Variants in MAD1L1 observed in about 807,000 individuals in gnomAD.
MAD1L1 encodes mitotic spindle assembly checkpoint protein MAD1.
MAD1L1 carries 95 observed loss-of-function variants against 96.9 expected under a neutral mutation model. That is an observed-to-expected ratio of 0.98 (90% confidence interval 0.83 to 1.16). The LOEUF is 1.16. MAD1L1 is among the 50% of genes most tolerant of loss of function. MAD1L1 has a pLI of 0.00. For missense variants in MAD1L1, 1,007 were observed against 954.4 expected (o/e 1.06, Z -0.73); for synonymous variants, 473 against 396.6 (o/e 1.19, Z -2.29).
intron 10 of MAD1L1, among the ~76,000 whole-genome samples, chr7:2,191,044 G>C (rs1320075029): frequency 2.6e-5 from 4 of 152,186 alleles, no homozygotes; most frequent in African/African-American, 9.7e-5. Context: ...ATCTGCAAGA[G>C]CAAAAAACCG....
chr7:2,223,826 T>A (rs1163465995), intron 4 of MAD1L1, among the ~76,000 whole-genome samples: 1 of 137,714 alleles, frequency 7.3e-6, no homozygotes, highest in Admixed American at 7.5e-5. Context: ...GTCTTTGGAC[T>A]TCAGACACTT....
rs939058252 is a variant in MAD1L1, at chr7:2,019,846, C to G, written c.1219-5204G>C. On this transcript the variant is annotated intron_variant, in intron 12 of 18. Transcript: ENST00000265854. ...GGCCCCCACAACCAACTACAGAACG[C>G]TTCGCCTCCTGTCTGTCCCTCGCTT... Among the ~76,000 whole-genome samples, 5 of 152,336 alleles carry G rather than the reference C, an allele frequency of 3.3e-5. No individual in the cohort carries two copies. The South Asian group carries it at 1.0e-3, about 32-fold the overall frequency.
intron 14 of MAD1L1, among the ~76,000 whole-genome samples, chr7:1,987,408 G>C (rs574830016): frequency 6.6e-6 from 1 of 152,212 alleles, no homozygotes; most frequent in African/African-American, 2.4e-5. Flanking sequence ...GTGTGCGGCC[G>C]AGCTCGGAAC....
chr7:1,983,015 A>G (rs1780976207), intron 14 of MAD1L1, among the ~76,000 whole-genome samples: 1 of 152,218 alleles, frequency 6.6e-6, no homozygotes. Flanking sequence ...CTTACTGCAT[A>G]TGATGTATTT....
rs1175408803 is a variant in MAD1L1, at chr7:1,839,562, G to A, written c.1999-23334C>T. 3.3e-5 allele frequency among the ~76,000 whole-genome samples: 5 copies of A among 152,318 alleles called. No homozygotes were observed. In the East Asian group the frequency reaches 7.7e-4, roughly 24 times the overall value. The stretch of plus-strand genomic sequence containing the variant: ...AACAGAATGTCGTGGAGAACTGGAC[G>A]CAGATCCACAGGGCCATAGAGAGCA... On this transcript the variant is annotated intron_variant, in intron 18 of 18. Coordinates refer to ENST00000265854, the MANE Select transcript of MAD1L1 (RefSeq NM_001013836.2).
At chr7:1,963,984 A>T (rs1361917895) in intron 15 of MAD1L1, among the ~76,000 whole-genome samples, 1 of 152,170 alleles carries the variant, frequency 6.6e-6, no homozygotes, top group Non-Finnish European at 1.5e-5. Flanking sequence ...GGCTTTACAA[A>T]CAACCCCCTC....
intron 16 of MAD1L1, among the ~76,000 whole-genome samples, chr7:1,938,665 C>T (rs1043795448): frequency 6.6e-6 from 1 of 152,230 alleles, no homozygotes; most frequent in African/African-American, 2.4e-5. Flanking sequence ...GCAGACACTT[C>T]CCAAAAAGAC....
intron 15 of MAD1L1, among the ~76,000 whole-genome samples, chr7:1,979,036 T>A (rs2128483140): frequency 6.6e-6 from 1 of 152,332 alleles, no homozygotes; most frequent in Middle Eastern, 3.4e-3. Flanking sequence ...GCAGAGCACT[T>A]CCTGGGCCGG....
At chr7:1,854,325 G>A (rs540069412) in intron 18 of MAD1L1, 34 of 462,172 alleles carry the variant, frequency 7.4e-5, no homozygotes, top group Non-Finnish European at 1.3e-4. Context: ...CCTGGGCCCC[G>A]GCAGCTCGTC....
intron 12 of MAD1L1, among the ~76,000 whole-genome samples, chr7:2,020,883 T>C (rs1196327144): frequency 6.7e-6 from 1 of 148,454 alleles, no homozygotes; most frequent in East Asian, 2.0e-4. Context: ...GTAGAAAGGC[T>C]AAAACTGAAA....
chr7:2,023,027 C>G (rs907441239), intron 12 of MAD1L1, among the ~76,000 whole-genome samples: 5 of 152,170 alleles, frequency 3.3e-5, no homozygotes, highest in Admixed American at 3.3e-4. Flanking sequence ...AACAGTGTCT[C>G]AAAATATGCG....
intron 18 of MAD1L1, among the ~76,000 whole-genome samples, chr7:1,886,647 G>A (rs905762181): frequency 1.3e-5 from 2 of 152,262 alleles, no homozygotes; most frequent in Admixed American, 6.5e-5. Context: ...GACAGCAGGG[G>A]TCAGCAGGAC....
chr7:1,841,220 A>C (rs1344240936), intron 18 of MAD1L1, among the ~76,000 whole-genome samples: 2 of 151,968 alleles, frequency 1.3e-5, no homozygotes, highest in Non-Finnish European at 2.9e-5. Context: ...TGGGTTAAAA[A>C]TATCCCCGTA....
intron 17 of MAD1L1, among the ~76,000 whole-genome samples, chr7:1,919,414 G>T (rs11978253): frequency 0.05 from 7,546 of 152,298 alleles, 276 homozygotes; most frequent in Admixed American, 0.1. Flanking sequence ...GGTCCAGGTG[G>T]CTGGCACTGA....
chr7:2,162,099 C>G (rs914431736), intron 10 of MAD1L1, among the ~76,000 whole-genome samples: 1 of 152,192 alleles, frequency 6.6e-6, no homozygotes, highest in Non-Finnish European at 1.5e-5. Context: ...TATCCAACAG[C>G]TCATTGAGAA....
chr7:2,102,640 C>T (rs1185150062), intron 11 of MAD1L1, among the ~76,000 whole-genome samples: 1 of 151,314 alleles, frequency 6.6e-6, no homozygotes, highest in African/African-American at 2.4e-5. Context: ...GCACCATCAT[C>T]GCCACTGTCA....
At chr7:1,859,047 CCACACCAAACCCCA>C (rs1784392788) in intron 18 of MAD1L1, among the ~76,000 whole-genome samples, 1 of 82,566 alleles carries the variant, frequency 1.2e-5, no homozygotes, top group Non-Finnish European at 3.4e-5. Flanking sequence ...GAGCAGACCT[CCACACCAAACCCCA>C]TACGCAGGAG....
At chr7:2,061,724 G>A (rs1309622070) in intron 12 of MAD1L1, among the ~76,000 whole-genome samples, 1 of 152,256 alleles carries the variant, frequency 6.6e-6, no homozygotes, top group South Asian at 2.1e-4. Context: ...GTCCACGTCA[G>A]CAAGAGTCAA....
intron 11 of MAD1L1, among the ~76,000 whole-genome samples, chr7:2,144,254 A>T (rs769037403): frequency 2.6e-5 from 4 of 152,222 alleles, no homozygotes; most frequent in African/African-American, 9.6e-5. Flanking sequence ...GAGGCTGCGC[A>T]TGAAGCACAG....
Sources: allele counts gnomAD v4.1 joint callset (sites outside exome capture counted in the v4.1 genomes callset), GRCh38; gene constraint gnomAD v4.1.1; transcripts MANE v1.5; gene names NCBI Gene and HGNC (gene_info 2026-07-23, HGNC 2026-07-21).